The following XRN1 variants were observed in gnomAD, a reference collection of about 807,000 sequenced individuals.
XRN1 encodes strand-exchange protein 1 homolog.
A neutral mutation model predicts 222.3 loss-of-function variants in XRN1; 67 were observed. The observed-to-expected ratio is 0.30, with a 90% CI of 0.25 to 0.37. XRN1 has a LOEUF of 0.37. Ranked by LOEUF, XRN1 falls within the 10% of genes least tolerant of loss-of-function variation. XRN1 has a pLI of 1.00. For synonymous variants in XRN1, 643 were observed against 652.4 expected, an observed-to-expected ratio of 0.99 and a Z score of 0.22; for missense variants, 1,707 against 2,000.2, an observed-to-expected ratio of 0.85 and a Z score of 2.80.
Position 142,310,191 on chromosome 3 carries a change from T to A in XRN1, c.*1320A>T, listed in dbSNP as rs921789930. On this transcript the variant is annotated 3_prime_UTR_variant, in exon 41 of 41. Coordinates refer to ENST00000392981, the MANE Select transcript of XRN1 (RefSeq NM_001282857.2). ...ACAAGTAAGACTACTTTAAGAGTCA[T>A]GGCAGAGTTTCCAATGAGTTACATG... 2 of 152,610 alleles carry A rather than the reference T, an allele frequency of 1.3e-5. No individual in the cohort carries two copies. Among genetic ancestry groups the A allele is most frequent in the African/African-American group, 4.8e-5 (2 of 41,448 alleles). 9.5% of individuals were successfully genotyped at this position (152,610 alleles called of 1,614,324 possible).
At chr3:142,372,303 A>G (rs2067011965) in intron 25 of XRN1, among the ~76,000 whole-genome samples, 1 of 152,188 alleles carries the variant, frequency 6.6e-6, no homozygotes, top group African/African-American at 2.4e-5. Context: ...ATACTATACA[A>G]TGTGTCACTA....
At chr3:142,417,374 TA>T in intron 12 of XRN1, 145 bp from the exon 13 acceptor site, 1 of 644,280 alleles carries the variant, frequency 1.6e-6, no homozygotes, top group Admixed American at 3.1e-5. Flanking sequence ...ATTATAATCC[TA>T]AAAACTCCAA....
In XRN1 at chr3:142,400,436, T is replaced by C; in HGVS notation, c.2207+8A>G. 1 of 1,583,002 alleles carries C rather than the reference T, an allele frequency of 6.3e-7. No homozygotes were observed. The highest frequency in any genetic ancestry group is 8.6e-7 in the Non-Finnish European group (1 of 1,162,796). On this transcript the variant is annotated splice_region_variant and intron_variant, in intron 19 of 40. Coordinates refer to ENST00000392981, the MANE Select transcript of XRN1 (RefSeq NM_001282857.2). ...TGTTAGAAAAATTATAAATCAAATC[T>C]TACTTACTTAGTTTCTCCATCTGAT... is the stretch of plus-strand genomic sequence containing the variant.
chr3:142,328,114 C>T (rs1054427117), intron 37 of XRN1, among the ~76,000 whole-genome samples: 1 of 152,154 alleles, frequency 6.6e-6, no homozygotes, highest in African/African-American at 2.4e-5. Flanking sequence ...GCTATTGTGA[C>T]TAGTGCTGCA....
intron 1 of XRN1, among the ~76,000 whole-genome samples, chr3:142,446,052 T>G (rs1007524958): frequency 6.6e-6 from 1 of 152,248 alleles, no homozygotes; most frequent in Non-Finnish European, 1.5e-5. Context: ...TTGAGTTTCA[T>G]GGGGATAGCA....
intron 1 of XRN1, among the ~76,000 whole-genome samples, chr3:142,444,630 AGAAT>A (rs2070419445): frequency 6.6e-6 from 1 of 152,196 alleles, no homozygotes; most frequent in Non-Finnish European, 1.5e-5. Flanking sequence ...ATAAAAAAAA[AGAAT>A]GAATAAGACC....
At chr3:142,376,372 C>T (rs953445035) in intron 24 of XRN1, 107 bp downstream of exon 24, 1 of 909,964 alleles carries the variant, frequency 1.1e-6, no homozygotes, top group Non-Finnish European at 1.7e-6. Flanking sequence ...AATTTTAAGA[C>T]AATCCAGAGC....
Position 142,432,649 on chromosome 3 carries a change from T to A in XRN1, c.308+12A>T. ...CTAAATAATATTCCAAAATAAAACA[T>A]AAATGTTTTACCTAAAACGCCTCCC... On this transcript the variant is annotated intron_variant, in intron 2 of 40. Transcript: ENST00000392981. The A allele has an allele frequency of 6.5e-7, 1 of 1,543,838 alleles. No individual in the cohort carries two copies. Among genetic ancestry groups the A allele is most frequent in the Non-Finnish European group, 8.7e-7 (1 of 1,143,354 alleles).
At chr3:142,373,758 C>T (rs754446411) in intron 25 of XRN1, among the ~76,000 whole-genome samples, 1 of 151,988 alleles carries the variant, frequency 6.6e-6, no homozygotes, top group Non-Finnish European at 1.5e-5. Context: ...GAGGCCGAGG[C>T]AGGCAGATCA....
At position 142,330,036 on chromosome 3, in the gene XRN1, T is replaced by A. The variant is rs183503815; in HGVS notation, c.4223-421A>T. On this transcript the variant is annotated intron_variant, in intron 36 of 40. Coordinates refer to ENST00000392981, the MANE Select transcript of XRN1 (RefSeq NM_001282857.2). ...TTGGATGAGTATAATTGATTAATGA[T>A]AAATTATTAAGATAAAGATTTTAAA... is the stretch of plus-strand genomic sequence containing the variant. Among the ~76,000 whole-genome samples the A allele has an allele frequency of 1.8e-3, 269 of 152,354 alleles. 3 individuals carry two copies. Among genetic ancestry groups the A allele is most frequent in the African/African-American group, 6.1e-3 (253 of 41,588 alleles).
rs550888735 is a variant in XRN1 at position 142,315,346 on chromosome 3, T to C, written c.4622-2588A>G. ...TGGGCCTTTGGGGGTTTTCTTGAGA[T>C]AGGCCTTCCAAAGTGCTGGGATTAC... is the stretch of plus-strand genomic sequence containing the variant. On this transcript the variant is annotated intron_variant, in intron 39 of 40. Coordinates refer to ENST00000392981, the MANE Select transcript of XRN1 (RefSeq NM_001282857.2). Among the ~76,000 whole-genome samples the C allele has an allele frequency of 4.6e-5, 7 of 152,190 alleles. No individual in the cohort carries two copies. In the South Asian group the frequency reaches 1.0e-3, roughly 23 times the overall value.
intron 37 of XRN1, among the ~76,000 whole-genome samples, chr3:142,326,933 T>G (rs1185418858): frequency 6.6e-6 from 1 of 152,192 alleles, no homozygotes; most frequent in Non-Finnish European, 1.5e-5. Flanking sequence ...TGACTGCATA[T>G]ATTTAAACAT....
intron 33 of XRN1, among the ~76,000 whole-genome samples, chr3:142,344,041 A>C (rs1312771658): frequency 6.8e-6 from 1 of 148,052 alleles, no homozygotes; most frequent in East Asian, 2.1e-4. Context: ...ATTAAAAACG[A>C]CTGAACTCAT....
rs763667244 is a variant in XRN1, at chr3:142,447,923, T to C, written c.22A>G (p.Arg8Gly). The change falls in exon 1 of 41, where the codon AGA becomes GGA. Residue 8 changes from arginine (R) to glycine (G), a missense_variant. By Grantham distance (125) the Arg-to-Gly change is moderately radical (BLOSUM62 -2). Coordinates refer to ENST00000392981, the MANE Select transcript of XRN1 (RefSeq NM_001282857.2). The surrounding 1 kb of genome is among the most constrained non-coding windows in gnomAD (Gnocchi z 4.2). MGVPKFYRWISERYPCLS... is the reference protein window; with the variant it reads MGVPKFYGWISERYPCLS... ...CAGGGATACCGCTCTGAGATCCATC[T>C]GTAAAACTTGGGGACTCCCATTTCG... The C allele has an allele frequency of 6.2e-7, 1 of 1,614,044 alleles. No individual in the cohort carries two copies.
intron 10 of XRN1, among the ~76,000 whole-genome samples, chr3:142,419,514 C>A (rs1288832517): frequency 2.0e-5 from 3 of 152,056 alleles, no homozygotes; most frequent in Admixed American, 2.0e-4. Context: ...GAGTAAGAAG[C>A]TCAACAGAAT....
chr3:142,366,703 T>C (rs1025062236), intron 27 of XRN1, among the ~76,000 whole-genome samples: 7 of 152,162 alleles, frequency 4.6e-5, no homozygotes, highest in Admixed American at 1.3e-4. Context: ...CACAGCCGAC[T>C]AGATGCACTA....
chr3:142,392,901 C>T (rs1243236833), intron 20 of XRN1, among the ~76,000 whole-genome samples: 1 of 149,592 alleles, frequency 6.7e-6, no homozygotes, highest in Admixed American at 6.6e-5. Flanking sequence ...AATTGCCACA[C>T]TGACTTCCAC....
intron 16 of XRN1, 24 bp from the exon 17 acceptor site, chr3:142,404,013 A>T: frequency 6.6e-7 from 1 of 1,523,134 alleles, no homozygotes; most frequent in East Asian, 2.3e-5. Context: ...CAAGGCATTT[A>T]ATTTAAAATT....
chr3:142,412,811 T>C, intron 14 of XRN1, 148 bp from the exon 15 acceptor site: 1 of 532,386 alleles, frequency 1.9e-6, no homozygotes, highest in Non-Finnish European at 3.0e-6. Flanking sequence ...TGTCACAATA[T>C]ACTTGCTATA....
Sources: gnomAD v4.1 joint callset for allele counts (sites outside exome capture counted in the v4.1 genomes callset) on GRCh38, gnomAD v4.1.1 for gene constraint, Gnocchi (gnomAD v3.1) non-coding constraint, MANE v1.5 for transcripts, NCBI Gene and HGNC (gene_info 2026-07-23, HGNC 2026-07-21) for gene names.